WDR72: variants seen among roughly 807,000 people sequenced by gnomAD.
WDR72 encodes the protein WD repeat domain 72, also known as WD repeat-containing protein 72.
WDR72 carries 120 observed loss-of-function variants against 124.2 expected under a neutral mutation model. The ratio of observed to expected loss-of-function variants is 0.97; its 90% CI spans 0.83 to 1.12. The LOEUF is 1.12. Ranked by LOEUF, WDR72 falls within the 50% of genes most tolerant of loss-of-function variation. The probability of loss-of-function intolerance (pLI) is 0.00; values close to 1 mark genes in which losing one functional copy is unlikely to be tolerated. For synonymous variants in WDR72, 452 were observed against 441.7 expected, an observed-to-expected ratio of 1.02 and a Z score of -0.29; for missense variants, 1,387 against 1,278.8, an observed-to-expected ratio of 1.08 and a Z score of -1.29.
At chr15:53,690,144 C>T (rs1476557202) in intron 13 of WDR72, among the ~76,000 whole-genome samples, 2 of 151,162 alleles carry the variant, frequency 1.3e-5, no homozygotes, top group Admixed American at 1.3e-4. Context: ...TGCAGCGCAC[C>T]AGCATGGCAC....
At position 53,517,835 on chromosome 15, in the gene WDR72, A is replaced by G. The variant is rs1342217797; in HGVS notation, c.3254-81T>C. On this transcript the variant is annotated intron_variant, in intron 19 of 19. Transcript: ENST00000360509. ...GAGAAAGACCAAGAGGAGGGGAGGG[A>G]GAGAGGAAATGAAGAATAGATACAG... The G allele has an allele frequency of 3.0e-6, 4 of 1,344,348 alleles. No homozygotes were observed. The Admixed American group carries it at 6.8e-5, about 23-fold the overall frequency. The allele number at this position is 1,344,348 out of a possible 1,614,324, so 83.3% of individuals were successfully genotyped here.
intron 18 of WDR72, among the ~76,000 whole-genome samples, chr15:53,563,028 AAAT>A (rs949321533): frequency 5.3e-5 from 8 of 151,956 alleles, no homozygotes; most frequent in African/African-American, 1.7e-4. Flanking sequence ...GAATTTTTAA[AAAT>A]TTATCTCAGT....
At chr15:53,618,342 G>A (rs2013852094) in intron 14 of WDR72, among the ~76,000 whole-genome samples, 2 of 151,816 alleles carry the variant, frequency 1.3e-5, no homozygotes, top group South Asian at 2.1e-4. Context: ...TCTTTTGATA[G>A]TTTTATAATC....
intron 18 of WDR72, among the ~76,000 whole-genome samples, chr15:53,535,926 A>G (rs1341721134): frequency 6.6e-6 from 1 of 152,130 alleles, no homozygotes; most frequent in Non-Finnish European, 1.5e-5. Flanking sequence ...CACAGATTCC[A>G]TTTATCTCCT....
rs950341274 is a variant in WDR72, at chr15:53,554,330, G to GA, written c.3149-31009dup. 1.7e-3 allele frequency among the ~76,000 whole-genome samples: 257 copies of GA among 147,490 alleles called. 1 individual carries two copies. Among genetic ancestry groups the GA allele is most frequent in the Non-Finnish European group, 2.0e-3 (135 of 66,650 alleles). On this transcript the variant is annotated intron_variant, in intron 18 of 19. Coordinates refer to ENST00000360509, the MANE Select transcript of WDR72 (RefSeq NM_182758.4). ...ATTTTTTGTTATTTACCATAAATTG[G>GA]AAAAAAAAAACTTAACAATGAAGGA...
intron 5 of WDR72, 33 bp downstream of exon 5, chr15:53,715,160 T>C (rs1441182214): frequency 6.2e-7 from 1 of 1,605,148 alleles, no homozygotes; most frequent in Non-Finnish European, 8.5e-7. Context: ...TTATATGCAA[T>C]CTCTCTACTG....
At chr15:53,684,439 A>AT in intron 13 of WDR72, 1 of 155,016 alleles carries the variant, frequency 6.5e-6, no homozygotes, top group Non-Finnish European at 1.4e-5. Context: ...AGTCAAAGAA[A>AT]GGGGTGACAG....
At chr15:53,671,646 T>G (rs568797204) in intron 13 of WDR72, among the ~76,000 whole-genome samples, 8 of 152,282 alleles carry the variant, frequency 5.3e-5, no homozygotes, top group African/African-American at 1.9e-4. Context: ...ACTATAAACT[T>G]AGACCCTAGA....
intron 18 of WDR72, among the ~76,000 whole-genome samples, chr15:53,557,074 TTGA>T: frequency 6.6e-6 from 1 of 152,222 alleles, no homozygotes; most frequent in Non-Finnish European, 1.5e-5. Context: ...ACTGCCAAGG[TTGA>T]CTTGGCCAGA....
chr15:53,656,439 G>T (rs1380078087), intron 14 of WDR72, among the ~76,000 whole-genome samples: 6 of 152,080 alleles, frequency 3.9e-5, no homozygotes, highest in Non-Finnish European at 2.9e-5. Flanking sequence ...GTTTTTAATA[G>T]TATGGGGAAA....
Position 53,615,532 on chromosome 15 carries a change from A to C in WDR72, c.2674T>G (p.Cys892Gly), listed in dbSNP as rs201086977. The C allele has an allele frequency of 6.2e-7, 1 of 1,612,982 alleles. No homozygotes were observed. The highest frequency in any genetic ancestry group is 8.5e-7 in the Non-Finnish European group (1 of 1,179,422). Reference sequence around the variant, plus strand: ...GTATCTGACTCTCGCAAAGAATCACAATTATTTTCCAATCCTCTTGGAATT... The same window carrying C: ...GTATCTGACTCTCGCAAAGAATCACCATTATTTTCCAATCCTCTTGGAATT... The part of the protein sequence containing the change: ...VGIPRGLENN[C>G]DSLRESDTIV... The change falls in exon 15 of 20, where the codon TGT (cysteine) becomes GGT (glycine). Residue 892 changes from cysteine to glycine, a missense_variant. Cys to Gly is a radical substitution (Grantham distance 159). Coordinates refer to ENST00000360509, the MANE Select transcript of WDR72 (RefSeq NM_182758.4).
chr15:53,553,206 C>A (rs1228668519), intron 18 of WDR72, among the ~76,000 whole-genome samples: 1 of 152,064 alleles, frequency 6.6e-6, no homozygotes, highest in Non-Finnish European at 1.5e-5. Flanking sequence ...AAAAATTCAA[C>A]CAACTAGAAT....
At chr15:53,621,430 GATATATATATAT>G (rs57355125) in intron 14 of WDR72, among the ~76,000 whole-genome samples, 6,684 of 124,382 alleles carry the variant, frequency 0.054, 292 homozygotes, top group African/African-American at 0.099. Flanking sequence ...AAGAAACTGT[GATATATATATAT>G]ATATATATAT....
chr15:53,662,119 C>T (rs941184044), intron 14 of WDR72, among the ~76,000 whole-genome samples: 6 of 152,114 alleles, frequency 3.9e-5, no homozygotes, highest in Non-Finnish European at 8.8e-5. Context: ...TACTTTGATG[C>T]TAAATTCCTT....
intron 18 of WDR72, among the ~76,000 whole-genome samples, chr15:53,548,577 A>T: frequency 6.6e-6 from 1 of 152,222 alleles, no homozygotes; most frequent in Non-Finnish European, 1.5e-5. Flanking sequence ...GTGAGGTTAA[A>T]AAGTAAAAGC....
At chr15:53,526,124 G>A (rs1892098560) in intron 18 of WDR72, among the ~76,000 whole-genome samples, 1 of 151,764 alleles carries the variant, frequency 6.6e-6, no homozygotes. Flanking sequence ...TATGGGTAGA[G>A]CTCTGTGCTG....
intron 18 of WDR72, among the ~76,000 whole-genome samples, chr15:53,529,243 T>C (rs149186967): frequency 4.9e-4 from 74 of 150,632 alleles, no homozygotes; most frequent in African/African-American, 1.6e-3. Context: ...AGGGAATGTG[T>C]TGTATTGTTA....
At chr15:53,547,171 A>G (rs1298929659) in intron 18 of WDR72, among the ~76,000 whole-genome samples, 1 of 152,234 alleles carries the variant, frequency 6.6e-6, no homozygotes, top group Non-Finnish European at 1.5e-5. Flanking sequence ...ACTATTTAAC[A>G]TTGAGTTGAA....
Position 53,615,849 on chromosome 15 carries a change from A to C in WDR72, c.2357T>G (p.Val786Gly), listed in dbSNP as rs150548151. The C allele has an allele frequency of 1.5e-4, 238 of 1,613,624 alleles. 2 individuals are homozygous for C. The African/African-American group carries it at 2.9e-3, about 20-fold the overall frequency. Residue 786 changes from valine (V) to glycine (G), a missense_variant, in exon 15 of 20, where the codon GTA (valine) becomes GGA (glycine). Val to Gly is a moderately radical substitution (Grantham distance 109, BLOSUM62 -3). Transcript: ENST00000360509. ...KKMQPKPSRK[V>G]DASLTIDTAK... ...TGTGTCTATTGTGAGACTGGCATCT[A>C]CTTTTCTTGATGGCTTAGGCTGCAT...
Sources: gnomAD v4.1 joint callset for allele counts (sites outside exome capture counted in the v4.1 genomes callset) on GRCh38, gnomAD v4.1.1 for gene constraint, MANE v1.5 for transcripts, NCBI Gene and HGNC (gene_info 2026-07-23, HGNC 2026-07-21) for gene names.